The following PIGU variants were observed in gnomAD, a reference collection of about 807,000 sequenced individuals.
PIGU encodes GPI-anchor transamidase component PIGU.
In PIGU, 24 loss-of-function variants were observed where a neutral mutation model predicts 49.9. That is an observed-to-expected ratio of 0.48 (90% CI 0.35 to 0.68). The LOEUF is 0.68. Ranked by LOEUF, PIGU falls within the 30% of genes least tolerant of loss-of-function variation. The pLI, the probability that PIGU is intolerant of heterozygous loss-of-function variation, is 0.01. For synonymous variants in PIGU, 220 were observed against 205.7 expected (o/e 1.07, Z -0.59); for missense variants, 490 against 532.6 (o/e 0.92, Z 0.79).
At chr20:34,659,276 C>T (rs1986842901) in intron 1 of PIGU, among the ~76,000 whole-genome samples, 2 of 112,822 alleles carry the variant, frequency 1.8e-5, no homozygotes, top group African/African-American at 3.3e-5. Context: ...CCCGCCCGGC[C>T]AGCCACCCCG....
chr20:34,629,285 G>C (rs1008076743), intron 6 of PIGU, among the ~76,000 whole-genome samples: 3 of 152,092 alleles, frequency 2.0e-5, no homozygotes, highest in African/African-American at 7.2e-5. Context: ...GCCTCCCAAA[G>C]TGCTGGGATT....
In PIGU at chr20:34,654,863, G is replaced by A. The variant is rs1287789341; in HGVS notation, c.195+2317C>T. Among the ~76,000 whole-genome samples the A allele has an allele frequency of 1.7e-5, 2 of 116,978 alleles. 1 individual carries two copies. The highest frequency in any genetic ancestry group is 3.6e-5 in the Non-Finnish European group (2 of 55,268). 76.7% of individuals were successfully genotyped at this position (116,978 alleles called of 152,430 possible). Reference sequence around the variant, plus strand: ...CCACTAAAAATACAAAAATTAGCCAGGCATGGTGGCGCGTGCCTGTGGTCC... The same window carrying A: ...CCACTAAAAATACAAAAATTAGCCAAGCATGGTGGCGCGTGCCTGTGGTCC... On this transcript the variant is annotated intron_variant, in intron 2 of 11. Transcript: ENST00000217446.
intron 7 of PIGU, among the ~76,000 whole-genome samples, chr20:34,600,830 T>A (rs913452239): frequency 6.6e-6 from 1 of 151,818 alleles, no homozygotes; most frequent in Non-Finnish European, 1.5e-5. Flanking sequence ...AGGTTGGGAG[T>A]TCGAGACCAG....
intron 10 of PIGU, among the ~76,000 whole-genome samples, chr20:34,581,246 T>G (rs1190303850): frequency 6.6e-6 from 1 of 152,200 alleles, no homozygotes; most frequent in African/African-American, 2.4e-5. Flanking sequence ...TTTTCTCATC[T>G]GCAAAACGTG....
chr20:34,575,852 C>T (rs115625300), intron 10 of PIGU, among the ~76,000 whole-genome samples: 2,096 of 152,262 alleles, frequency 0.014, 53 homozygotes, highest in African/African-American at 0.048. Context: ...TAAGGGAATG[C>T]CGAATCCCAC....
chr20:34,628,059 A>T (rs192670773), intron 6 of PIGU, among the ~76,000 whole-genome samples: 1 of 152,348 alleles, frequency 6.6e-6, no homozygotes, highest in African/African-American at 2.4e-5. Flanking sequence ...AAGGTAGGCA[A>T]ACTGTAAGTA....
chr20:34,645,971 C>T (rs1986331586), intron 2 of PIGU, among the ~76,000 whole-genome samples: 1 of 152,080 alleles, frequency 6.6e-6, no homozygotes, highest in African/African-American at 2.4e-5. Flanking sequence ...AGTTCTAAGA[C>T]ATATATAATA....
chr20:34,636,365 A>G (rs984950426), intron 5 of PIGU, among the ~76,000 whole-genome samples: 34 of 152,078 alleles, frequency 2.2e-4, no homozygotes, highest in African/African-American at 7.5e-4. Context: ...CAACATGGTG[A>G]AACCCCGTCT....
chr20:34,663,013 T>G (rs1315981791), intron 1 of PIGU, among the ~76,000 whole-genome samples: 1 of 152,108 alleles, frequency 6.6e-6, no homozygotes, highest in East Asian at 1.9e-4. Flanking sequence ...GCACAAGCGA[T>G]CATCCCACCT....
intron 1 of PIGU, among the ~76,000 whole-genome samples, chr20:34,661,121 A>C (rs1986914406): frequency 6.6e-6 from 1 of 152,250 alleles, no homozygotes; most frequent in Non-Finnish European, 1.5e-5. Context: ...AAAGTAGGTC[A>C]AAAGACAGCA....
chr20:34,674,980 G>A (rs1021601859), intron 1 of PIGU, among the ~76,000 whole-genome samples: 3 of 150,338 alleles, frequency 2.0e-5, no homozygotes, highest in African/African-American at 7.3e-5. Context: ...CAGGCATGGC[G>A]GCTCACACCT....
intron 11 of PIGU, chr20:34,562,301 G>T: frequency 1.7e-6 from 1 of 603,100 alleles, no homozygotes; most frequent in Non-Finnish European, 2.1e-6. Context: ...GGCCTCAGAG[G>T]ATTGGCACCA....
At chr20:34,562,490 A>G in intron 11 of PIGU, 1 of 1,289,384 alleles carries the variant, frequency 7.8e-7, no homozygotes, top group South Asian at 1.2e-5. Flanking sequence ...GGAGGAGTTC[A>G]GGAAGGTGTC....
chr20:34,595,323 C>T (rs954762451), intron 7 of PIGU, among the ~76,000 whole-genome samples: 5 of 151,928 alleles, frequency 3.3e-5, no homozygotes, highest in Non-Finnish European at 7.4e-5. Context: ...TTCATTATTC[C>T]CTGAACAATA....
intron 2 of PIGU, among the ~76,000 whole-genome samples, chr20:34,650,700 C>CTCTTTTTTTTTTTTTTT (rs1986509194): frequency 5.2e-5 from 2 of 38,778 alleles, no homozygotes; most frequent in East Asian, 9.1e-4. Context: ...CTTTTTTTCT[C>CTCTTTTTTTTTTTTTTT]TTTTTTTTTT....
At chr20:34,603,861 G>GACACAC (rs142929319) in intron 7 of PIGU, among the ~76,000 whole-genome samples, 22 of 143,806 alleles carry the variant, frequency 1.5e-4, no homozygotes, top group Admixed American at 2.9e-4. Context: ...TTAGTGGACA[G>GACACAC]ACACACACAC....
intron 1 of PIGU, among the ~76,000 whole-genome samples, chr20:34,659,637 A>AG (rs1986867870): frequency 6.6e-6 from 1 of 152,198 alleles, no homozygotes; most frequent in Non-Finnish European, 1.5e-5. Flanking sequence ...AAAGATTGAG[A>AG]AATCGGATGG....
chr20:34,588,488 G>C lies in PIGU; in HGVS notation c.747C>G (p.Ser249Arg), dbSNP rs1332193201. 1.9e-6 allele frequency: 3 copies of C among 1,613,886 alleles called. No homozygotes were observed. The African/African-American group carries it at 4.0e-5, about 22-fold the overall frequency. The change falls in exon 8 of 12, where the codon AGC (serine) becomes AGG (arginine). Residue 249 changes from serine (S) to arginine (R), a missense_variant. Coordinates refer to ENST00000217446, the MANE Select transcript of PIGU (RefSeq NM_080476.5). ...AGACTGCGGGGATGAAATCCCAAGAGCTGAGAAGGAAGAAGGAGAGGCAAA... is the reference window on the plus strand; with the variant it reads ...AGACTGCGGGGATGAAATCCCAAGACCTGAGAAGGAAGAAGGAGAGGCAAA... The part of the protein sequence containing the change: ...VIICLSFFLL[S>R]SWDFIPAVYG...
At position 34,676,975 on chromosome 20, in the gene PIGU, T is replaced by C. The variant is rs765501431; in HGVS notation, c.111A>G (p.Pro37=). The C allele has an allele frequency of 6.3e-7, 1 of 1,578,420 alleles. No homozygotes were observed. The highest frequency in any genetic ancestry group is 1.2e-5 in the South Asian group (1 of 86,048). Residue 37 remains proline (P), a synonymous_variant, in exon 1 of 12, where the codon CCA becomes CCG. Coordinates refer to ENST00000217446, the MANE Select transcript of PIGU (RefSeq NM_080476.5). ...CCTCACCTCTCTTCCAAGAGCTCAG[T>C]GGGGACACCACCTCCACCCGCTCGG... ...FISERVEVVS[P]LSSWKRVVEG...
Sources: gnomAD v4.1 joint callset for allele counts (sites outside exome capture counted in the v4.1 genomes callset) on GRCh38, gnomAD v4.1.1 for gene constraint, MANE v1.5 for transcripts, NCBI Gene and HGNC (gene_info 2026-07-23, HGNC 2026-07-21) for gene names.